NCKAP5: variants seen among roughly 807,000 people sequenced by gnomAD.
The protein encoded by NCKAP5 is NCK associated protein 5, also known as nck-associated protein 5.
NCKAP5 carries 92 observed loss-of-function variants against 167.0 expected under a neutral mutation model. The observed-to-expected ratio is 0.55, with a 90% CI of 0.47 to 0.66. The LOEUF is 0.66. Among genes scored for constraint, NCKAP5 ranks in the 30% least tolerant of loss-of-function variants. NCKAP5 has a pLI of 0.00. For missense variants in NCKAP5, 2,378 were observed against 2,315.0 expected (o/e 1.03, Z -0.56); for synonymous variants, 891 against 877.4 (o/e 1.02, Z -0.27).
chr2:133,553,781 T>A (rs1173731953), intron 2 of NCKAP5, among the ~76,000 whole-genome samples: 2 of 152,210 alleles, frequency 1.3e-5, no homozygotes, highest in Non-Finnish European at 2.9e-5. Flanking sequence ...ACATAATAAA[T>A]GAGTTATATA....
At chr2:132,700,379 T>C (rs1034723734) in intron 19 of NCKAP5, among the ~76,000 whole-genome samples, 2 of 152,218 alleles carry the variant, frequency 1.3e-5, no homozygotes, top group African/African-American at 4.8e-5. Context: ...TTTTGGTGTT[T>C]TAGTCATGAA....
intron 6 of NCKAP5, among the ~76,000 whole-genome samples, chr2:132,999,165 C>A (rs1366816294): frequency 6.6e-6 from 1 of 152,154 alleles, no homozygotes; most frequent in Non-Finnish European, 1.5e-5. Context: ...GGTATAAATG[C>A]AGGCATTTTA....
intron 11 of NCKAP5, among the ~76,000 whole-genome samples, chr2:132,851,217 C>T (rs1689052453): frequency 6.6e-6 from 1 of 152,240 alleles, no homozygotes; most frequent in Non-Finnish European, 1.5e-5. Context: ...CAAAAGTGCA[C>T]TATCATCTCA....
intron 19 of NCKAP5, among the ~76,000 whole-genome samples, chr2:132,690,361 G>A (rs549561252): frequency 6.6e-6 from 1 of 152,300 alleles, no homozygotes; most frequent in Admixed American, 6.5e-5. Context: ...CCAGCCACCT[G>A]CAACCCTGAG....
chr2:132,863,159 G>A (rs1260997355), intron 10 of NCKAP5, among the ~76,000 whole-genome samples: 1 of 152,128 alleles, frequency 6.6e-6, no homozygotes, highest in East Asian at 1.9e-4. Flanking sequence ...CTCTGTCTGT[G>A]TCTCATGCTG....
chr2:132,927,122 A>G (rs1258949406), intron 8 of NCKAP5, among the ~76,000 whole-genome samples: 1 of 152,100 alleles, frequency 6.6e-6, no homozygotes, highest in Admixed American at 6.5e-5. Context: ...CATTTATTGA[A>G]AATGGTATTC....
chr2:133,534,509 GCC>G (rs898643689), intron 2 of NCKAP5, among the ~76,000 whole-genome samples: 5 of 151,914 alleles, frequency 3.3e-5, no homozygotes, highest in Non-Finnish European at 5.9e-5. Context: ...CCCTTACCCA[GCC>G]CCCGGCAACC....
intron 19 of NCKAP5, among the ~76,000 whole-genome samples, chr2:132,676,283 CTTTTTTTTTTTTT>C (rs61213029): frequency 8.2e-5 from 5 of 61,136 alleles, no homozygotes; most frequent in African/African-American, 2.3e-4. Context: ...TTGTTTTATC[CTTTTTTTTTTTTT>C]TTTTTTTTTT....
At chr2:133,215,124 T>C (rs886258741) in intron 4 of NCKAP5, among the ~76,000 whole-genome samples, 2 of 152,096 alleles carry the variant, frequency 1.3e-5, no homozygotes, top group South Asian at 4.2e-4. Context: ...GTGAGTACAC[T>C]TCTAAGAAGG....
At position 132,725,692 on chromosome 2, in the gene NCKAP5, T is replaced by C. The variant is rs115870441; in HGVS notation, c.5648A>G (p.Tyr1883Cys). The change falls in exon 19 of 20, where the codon TAT becomes TGT. Residue 1883 changes from tyrosine to cysteine, a missense_variant. Physicochemically the swap from Tyr to Cys is radical, Grantham distance 194. Transcript: ENST00000409261. ...GGSNSDSDLD[Y>C]GDNGFGAGRG... ...TCCAGCTCCAAAACCATTATCTCCA[T>C]AGTCCAGGTCACTGTCACTATTACT... 4.7e-4 allele frequency: 764 copies of C among 1,613,490 alleles called. 6 individuals carry two copies. In the African/African-American group the frequency reaches 9.2e-3, roughly 19 times the overall value.
intron 7 of NCKAP5, among the ~76,000 whole-genome samples, chr2:132,984,592 A>G (rs1285551186): frequency 2.0e-5 from 3 of 152,272 alleles, no homozygotes; most frequent in Non-Finnish European, 2.9e-5. Context: ...GACAAAATCA[A>G]TAAGGACAAT....
chr2:133,264,270 C>T (rs761530375), intron 4 of NCKAP5, among the ~76,000 whole-genome samples: 1 of 152,164 alleles, frequency 6.6e-6, no homozygotes, highest in African/African-American at 2.4e-5. Context: ...TTTGGTTAAG[C>T]AGGATTGGTG....
chr2:133,176,340 G>A (rs906069682), intron 5 of NCKAP5, among the ~76,000 whole-genome samples: 1 of 152,064 alleles, frequency 6.6e-6, no homozygotes, highest in Non-Finnish European at 1.5e-5. Flanking sequence ...AGAATTAAAA[G>A]GGCATTGATC....
At chr2:133,521,896 A>G (rs1684507463) in intron 2 of NCKAP5, among the ~76,000 whole-genome samples, 1 of 152,090 alleles carries the variant, frequency 6.6e-6, no homozygotes, top group South Asian at 2.1e-4. Context: ...AAGTCTAAAA[A>G]ACTAAGGGAA....
chr2:133,049,440 G>C (rs1559087021), intron 6 of NCKAP5, among the ~76,000 whole-genome samples: 1 of 151,208 alleles, frequency 6.6e-6, no homozygotes, highest in Non-Finnish European at 1.5e-5. Context: ...AGCTACTTAG[G>C]AGGCTGAGGC....
Position 133,351,139 on chromosome 2 carries a change from C to T in NCKAP5, c.70-48029G>A, listed in dbSNP as rs544815638. On this transcript the variant is annotated intron_variant, in intron 3 of 19. Coordinates refer to ENST00000409261, the MANE Select transcript of NCKAP5 (RefSeq NM_207363.3). The stretch of plus-strand genomic sequence containing the variant: ...CCAGCATGAAGCTGGTGGACAATTA[C>T]TTTATAGTTATCGACTGAATGGATG... Among the ~76,000 whole-genome samples the T allele has an allele frequency of 3.9e-5, 6 of 152,112 alleles. No homozygotes were observed. The East Asian group carries it at 1.2e-3, about 29-fold the overall frequency.
At chr2:133,178,161 T>C (rs114126738) in intron 5 of NCKAP5, among the ~76,000 whole-genome samples, 1,863 of 152,192 alleles carry the variant, frequency 0.012, 44 homozygotes, top group African/African-American at 0.043. Context: ...CCTTTTCTCC[T>C]ACTGGAGACG....
At chr2:133,647,646 GGA>G in the NCKAP5 span, among the ~76,000 whole-genome samples, 20 of 130,882 alleles carry the variant, frequency 1.5e-4, 1 homozygote, top group African/African-American at 4.6e-4. Flanking sequence ...AGGAAGAAAG[GGA>G]GAGAGAGAGG....
At chr2:133,008,133 T>C (rs1290802124) in intron 6 of NCKAP5, among the ~76,000 whole-genome samples, 1 of 152,154 alleles carries the variant, frequency 6.6e-6, no homozygotes, top group Non-Finnish European at 1.5e-5. Context: ...AGGGCCGAAA[T>C]TCAAGCAGGG....
Sources: allele counts gnomAD v4.1 joint callset (sites outside exome capture counted in the v4.1 genomes callset), GRCh38; gene constraint gnomAD v4.1.1; transcripts MANE v1.5; gene names NCBI Gene and HGNC (gene_info 2026-07-23, HGNC 2026-07-21).